IL23R: variants seen among roughly 807,000 people sequenced by gnomAD.
The protein encoded by IL23R is interleukin 23 receptor, also known as interleukin-23 receptor.
In IL23R, 34 loss-of-function variants were observed where a neutral mutation model predicts 56.9. The observed-to-expected ratio is 0.60, with a 90% CI of 0.45 to 0.80. The LOEUF is 0.80. Among genes scored for constraint, IL23R ranks in the 30% least tolerant of loss-of-function variants. The probability of loss-of-function intolerance (pLI) is 0.00; values close to 1 mark genes in which losing one functional copy is unlikely to be tolerated. For synonymous variants in IL23R, 230 were observed against 249.2 expected (o/e 0.92, Z 0.73); for missense variants, 635 against 730.0 (o/e 0.87, Z 1.50).
chr1:67,222,721 C>T (rs533436279), intron 7 of IL23R, among the ~76,000 whole-genome samples: 1 of 152,256 alleles, frequency 6.6e-6, no homozygotes, highest in South Asian at 2.1e-4. Flanking sequence ...GCATGACTTA[C>T]TAAATAGTAC....
intron 5 of IL23R, among the ~76,000 whole-genome samples, chr1:67,201,518 G>T (rs1193584502): frequency 6.7e-6 from 1 of 148,910 alleles, no homozygotes; most frequent in Admixed American, 6.7e-5. Flanking sequence ...CAAGGTGCCT[G>T]CCCTGAAATA....
At chr1:67,228,175 C>CTTCCTTCT (rs1650855739) in intron 7 of IL23R, among the ~76,000 whole-genome samples, 1 of 137,226 alleles carries the variant, frequency 7.3e-6, no homozygotes, top group Non-Finnish European at 1.6e-5. Flanking sequence ...TCCTTCCTTC[C>CTTCCTTCT]TTCCTTCCTT....
intron 1 of IL23R, among the ~76,000 whole-genome samples, chr1:67,149,601 T>C (rs2102531284): frequency 6.6e-6 from 1 of 152,296 alleles, no homozygotes; most frequent in East Asian, 1.9e-4. Flanking sequence ...GGAATTAAAG[T>C]GGTCCCCCTG....
At chr1:67,224,362 G>A (rs940131286) in intron 7 of IL23R, among the ~76,000 whole-genome samples, 2 of 152,296 alleles carry the variant, frequency 1.3e-5, no homozygotes, top group East Asian at 1.9e-4. Context: ...GTGCTTAAAG[G>A]TTTATTTATG....
At chr1:67,216,513 G>C (rs11576518) in intron 6 of IL23R, among the ~76,000 whole-genome samples, 1 of 151,836 alleles carries the variant, frequency 6.6e-6, no homozygotes, top group Non-Finnish European at 1.5e-5. Flanking sequence ...AGGCTTTGCA[G>C]AACATAAGAT....
At chr1:67,222,102 C>CTTTCTT (rs1440089182) in intron 7 of IL23R, among the ~76,000 whole-genome samples, 1 of 58,890 alleles carries the variant, frequency 1.7e-5, no homozygotes, top group African/African-American at 6.3e-5. Flanking sequence ...TTCTTTCTTT[C>CTTTCTT]TTTTTTTTTT....
downstream of IL23R, among the ~76,000 whole-genome samples, chr1:67,260,903 C>T (rs919967331): frequency 1.3e-5 from 2 of 151,962 alleles, no homozygotes; most frequent in South Asian, 2.1e-4. Context: ...AATAAATATT[C>T]GTTCATTCAT....
intron 9 of IL23R, among the ~76,000 whole-genome samples, chr1:67,243,782 G>A (rs1652013847): frequency 6.6e-6 from 1 of 152,108 alleles, no homozygotes; most frequent in Non-Finnish European, 1.5e-5. Context: ...ATGTGCATGT[G>A]TCTTTATAGT....
At chr1:67,185,975 A>C (rs1381789960) in intron 4 of IL23R, among the ~76,000 whole-genome samples, 1 of 146,786 alleles carries the variant, frequency 6.8e-6, no homozygotes, top group Admixed American at 6.8e-5. Flanking sequence ...TGGCGTGGGG[A>C]GCTCACATTA....
At chr1:67,240,063 C>T in intron 8 of IL23R, 116 bp from the exon 9 acceptor site, 2 of 779,236 alleles carry the variant, frequency 2.6e-6, no homozygotes, top group Non-Finnish European at 4.4e-6. Flanking sequence ...AATTTTGCTT[C>T]CCCCCACCCT....
chr1:67,218,248 T>C, intron 6 of IL23R, among the ~76,000 whole-genome samples: 1 of 148,986 alleles, frequency 6.7e-6, no homozygotes, highest in East Asian at 2.0e-4. Flanking sequence ...TCTTAATATT[T>C]TAATTTTTCT....
At chr1:67,205,983 TC>T (rs1649022727) in intron 5 of IL23R, among the ~76,000 whole-genome samples, 1 of 151,382 alleles carries the variant, frequency 6.6e-6, no homozygotes, top group East Asian at 1.9e-4. Context: ...TTCTGTCTCT[TC>T]CTTTCTTTCT....
At chr1:67,206,817 T>C in intron 5 of IL23R, 93 bp from the exon 6 acceptor site, 1 of 1,295,906 alleles carries the variant, frequency 7.7e-7, no homozygotes, top group Non-Finnish European at 1.1e-6. Flanking sequence ...TACTTTGAGC[T>C]TTCTCATATC....
chr1:67,219,261 G>T (rs1483858886), intron 6 of IL23R, among the ~76,000 whole-genome samples: 1 of 152,050 alleles, frequency 6.6e-6, no homozygotes, highest in Non-Finnish European at 1.5e-5. Context: ...CCAGTTACTT[G>T]GGAGGCTGAG....
chr1:67,260,575 C>G (rs1406226700), downstream of IL23R, among the ~76,000 whole-genome samples: 1 of 152,068 alleles, frequency 6.6e-6, no homozygotes, highest in African/African-American at 2.4e-5. Flanking sequence ...TCCATAAGGA[C>G]TGGAGTAGGA....
chr1:67,237,836 C>G (rs889851220), intron 8 of IL23R, among the ~76,000 whole-genome samples: 1 of 152,084 alleles, frequency 6.6e-6, no homozygotes, highest in Non-Finnish European at 1.5e-5. Flanking sequence ...AGTATAAGAA[C>G]TTTTGCAGGT....
At chr1:67,148,915 C>T (rs940780351) in intron 1 of IL23R, among the ~76,000 whole-genome samples, 2 of 152,104 alleles carry the variant, frequency 1.3e-5, no homozygotes, top group African/African-American at 2.4e-5. Context: ...TCCTAAGACC[C>T]ACTATTCCAC....
Position 67,259,022 on chromosome 1 carries a change from T to C in IL23R, c.1784T>C (p.Val595Ala). The change falls in exon 11 of 11, where the codon GTC becomes GCC. Residue 595 changes from valine to alanine, a missense_variant. Physicochemically the swap from Val to Ala is moderately conservative, Grantham distance 64. Transcript: ENST00000347310. ...CAGACCCTGCTTCCTGATGAATTTG[T>C]CTCCTGTTTGGGGATCGTGAATGAG... Reference protein sequence around the residue: ...PEQTLLPDEFVSCLGIVNEEL... With the variant: ...PEQTLLPDEFASCLGIVNEEL... 1 of 1,614,018 alleles carries C rather than the reference T, an allele frequency of 6.2e-7. No individual in the cohort carries two copies. The highest frequency in any genetic ancestry group is 1.1e-5 in the South Asian group (1 of 91,072).
chr1:67,190,709 AAG>A (rs1215058972), intron 4 of IL23R, among the ~76,000 whole-genome samples: 4 of 152,216 alleles, frequency 2.6e-5, no homozygotes, highest in Non-Finnish European at 5.9e-5. Context: ...ATTTAAAAAA[AAG>A]AGATCATCTC....
Sources: allele counts gnomAD v4.1 joint callset (sites outside exome capture counted in the v4.1 genomes callset), GRCh38; gene constraint gnomAD v4.1.1; transcripts MANE v1.5; gene names NCBI Gene and HGNC (gene_info 2026-07-23, HGNC 2026-07-21).